GALNT14: variants seen among roughly 807,000 people sequenced by gnomAD.
The protein encoded by GALNT14 is UDP-GalNAc:polypeptide N-acetylgalactosaminyltransferase 14.
GALNT14 carries 60 observed loss-of-function variants against 77.5 expected under a neutral mutation model. That is an observed-to-expected ratio of 0.77 (90% CI 0.63 to 0.96). GALNT14 has a LOEUF of 0.96. Among genes scored for constraint, GALNT14 ranks in the 40% least tolerant of loss-of-function variants. GALNT14 has a pLI of 0.00. For missense variants in GALNT14, 710 were observed against 731.0 expected (o/e 0.97, Z 0.33); for synonymous variants, 280 against 281.7 (o/e 0.99, Z 0.06).
At chr2:31,112,828 T>C (rs1677911277) in intron 1 of GALNT14, among the ~76,000 whole-genome samples, 1 of 152,204 alleles carries the variant, frequency 6.6e-6, no homozygotes, top group Non-Finnish European at 1.5e-5. Flanking sequence ...TTTCTCATGT[T>C]ATGGAATCTT....
chr2:30,945,230 G>GA, intron 7 of GALNT14, among the ~76,000 whole-genome samples: 1 of 152,236 alleles, frequency 6.6e-6, no homozygotes, highest in Non-Finnish European at 1.5e-5. Flanking sequence ...AGGGGCCGAG[G>GA]ATGACAGGAT....
intron 1 of GALNT14, among the ~76,000 whole-genome samples, chr2:31,098,709 C>A (rs1677116312): frequency 6.6e-6 from 1 of 152,044 alleles, no homozygotes. Context: ...AACTTAACTA[C>A]CGATAGCCTA....
intron 1 of GALNT14, among the ~76,000 whole-genome samples, chr2:31,017,096 T>C (rs1419746452): frequency 6.6e-6 from 1 of 152,254 alleles, no homozygotes; most frequent in African/African-American, 2.4e-5. Context: ...CCAGTCTGTC[T>C]GGCCCATGCT....
intron 1 of GALNT14, among the ~76,000 whole-genome samples, chr2:31,089,337 T>C (rs898726266): frequency 1.2e-4 from 18 of 152,172 alleles, no homozygotes; most frequent in African/African-American, 4.1e-4. Context: ...ACAGTACCAA[T>C]GACATAGTGA....
intron 1 of GALNT14, among the ~76,000 whole-genome samples, chr2:31,056,498 T>C (rs1674215648): frequency 6.6e-6 from 1 of 152,138 alleles, no homozygotes; most frequent in Non-Finnish European, 1.5e-5. Context: ...ATGACCCAGA[T>C]CACTGAGCCA....
At chr2:30,900,444 T>G in the GALNT14 span, among the ~76,000 whole-genome samples, 1,246 of 152,360 alleles carry the variant, frequency 8.2e-3, 18 homozygotes, top group African/African-American at 0.029. Context: ...GCTGTCTTTT[T>G]AAAACTTTAA....
chr2:30,955,658 T>A lies in GALNT14; in HGVS notation c.614A>T (p.Asn205Ile). 2 of 1,614,216 alleles carry A rather than the reference T, an allele frequency of 1.2e-6. No homozygotes were observed. The highest frequency in any genetic ancestry group is 2.2e-5 in the East Asian group (1 of 44,876). The change falls in exon 6 of 15, where the codon AAC becomes ATC. Residue 205 changes from asparagine to isoleucine, a missense_variant. Coordinates refer to ENST00000349752, the MANE Select transcript of GALNT14 (RefSeq NM_024572.4). Reference protein sequence around the residue: ...LTFLDSHCEVNRDWLQPLLHR... With the variant: ...LTFLDSHCEVIRDWLQPLLHR... ...CAACAGAGGCTGGAGCCAGTCCCTG[T>A]TCACCTCACAGTGGCTGTCGAGGAA...
chr2:30,893,334 T>C, the GALNT14 span, among the ~76,000 whole-genome samples: 1 of 152,148 alleles, frequency 6.6e-6, no homozygotes, highest in Non-Finnish European at 1.5e-5. Context: ...TTATGACATG[T>C]TGGAAAATTT....
At chr2:30,939,043 C>T (rs1666221966) in intron 9 of GALNT14, among the ~76,000 whole-genome samples, 1 of 152,218 alleles carries the variant, frequency 6.6e-6, no homozygotes, top group Admixed American at 6.5e-5. Context: ...GAACCCCATT[C>T]CCATTCAGTC....
At chr2:30,924,286 G>A in intron 12 of GALNT14, 23 bp from the exon 13 acceptor site, 1 of 1,613,536 alleles carries the variant, frequency 6.2e-7, no homozygotes, top group Non-Finnish European at 8.5e-7. Flanking sequence ...CACAGGGAGA[G>A]AGGAGAGTCC....
intron 10 of GALNT14, among the ~76,000 whole-genome samples, chr2:30,930,805 C>T (rs1025132720): frequency 6.6e-6 from 1 of 152,224 alleles, no homozygotes; most frequent in Non-Finnish European, 1.5e-5. Context: ...CCTCCCTGGC[C>T]CCTTCCACTG....
intron 1 of GALNT14, among the ~76,000 whole-genome samples, chr2:31,098,670 G>T (rs1012980524): frequency 6.6e-5 from 10 of 152,046 alleles, no homozygotes; most frequent in African/African-American, 2.4e-4. Flanking sequence ...CTCCTGCTCA[G>T]TTGAAAATCT....
chr2:31,077,375 C>A (rs568945889), intron 1 of GALNT14, among the ~76,000 whole-genome samples: 64 of 152,210 alleles, frequency 4.2e-4, no homozygotes, highest in Non-Finnish European at 5.3e-4. Context: ...ATTCACAACT[C>A]AACTCCTACC....
chr2:30,942,630 G>T (rs917973912), intron 8 of GALNT14, among the ~76,000 whole-genome samples: 1 of 152,168 alleles, frequency 6.6e-6, no homozygotes, highest in African/African-American at 2.4e-5. Context: ...CGATGACCCA[G>T]GGAGCTTCCC....
intron 1 of GALNT14, among the ~76,000 whole-genome samples, chr2:31,046,100 G>A (rs1214435206): frequency 6.6e-6 from 1 of 152,108 alleles, no homozygotes; most frequent in African/African-American, 2.4e-5. Context: ...GGATTCCAAT[G>A]AGGTAGGTGC....
At chr2:30,924,666 T>C (rs1665250529) in intron 12 of GALNT14, 74 bp downstream of exon 12, 1 of 1,275,686 alleles carries the variant, frequency 7.8e-7, no homozygotes, top group Non-Finnish European at 1.1e-6. Flanking sequence ...TCATTGTCTG[T>C]CTCTTCTCCA....
At chr2:30,907,260 T>C (rs573042174), downstream of GALNT14, among the ~76,000 whole-genome samples, 87 of 152,134 alleles carry the variant, frequency 5.7e-4, no homozygotes, top group Middle Eastern at 0.017. Flanking sequence ...AAAAAAGTAA[T>C]GATTCCAGGA....
At chr2:30,914,690 T>A (rs548504221) in intron 13 of GALNT14, among the ~76,000 whole-genome samples, 25 of 152,312 alleles carry the variant, frequency 1.6e-4, no homozygotes, top group Admixed American at 2.6e-4. Context: ...ATATCCAAGC[T>A]GAGTCATTCC....
intron 1 of GALNT14, among the ~76,000 whole-genome samples, chr2:31,007,256 G>T (rs998685961): frequency 5.3e-5 from 8 of 152,138 alleles, no homozygotes; most frequent in African/African-American, 1.9e-4. Flanking sequence ...CTGAGAAGCT[G>T]GGAGAAATCC....
Sources: gnomAD v4.1 joint callset for allele counts (sites outside exome capture counted in the v4.1 genomes callset) on GRCh38, gnomAD v4.1.1 for gene constraint, MANE v1.5 for transcripts, NCBI Gene and HGNC (gene_info 2026-07-23, HGNC 2026-07-21) for gene names.